The following LRFN2 variants were observed in gnomAD, a reference collection of about 807,000 sequenced individuals.
The protein encoded by LRFN2 is leucine-rich repeat and fibronectin type-III domain-containing protein 2.
In LRFN2, 18 loss-of-function variants were observed where a neutral mutation model predicts 37.3. The ratio of observed to expected loss-of-function variants is 0.48; its 90% CI spans 0.33 to 0.72. The LOEUF (loss-of-function observed/expected upper bound fraction) is 0.72, where lower values mean the gene tolerates loss of function less well. Among genes scored for constraint, LRFN2 ranks in the 30% least tolerant of loss-of-function variants. The probability of loss-of-function intolerance (pLI) is 0.02; values close to 1 mark genes in which losing one functional copy is unlikely to be tolerated. For missense variants in LRFN2, 1,006 were observed against 1,060.7 expected, an observed-to-expected ratio of 0.95 and a Z score of 0.72; for synonymous variants, 556 against 466.6, an observed-to-expected ratio of 1.19 and a Z score of -2.47.
intron 2 of LRFN2, among the ~76,000 whole-genome samples, chr6:40,400,686 G>A (rs1298375751): frequency 6.6e-6 from 1 of 151,778 alleles, no homozygotes. Context: ...CTCCTAAAGT[G>A]CTGGGATTAC....
At chr6:40,472,329 C>A (rs1390690812) in intron 1 of LRFN2, among the ~76,000 whole-genome samples, 1 of 152,214 alleles carries the variant, frequency 6.6e-6, no homozygotes, top group East Asian at 1.9e-4. Context: ...CAGGAGTCTG[C>A]AGATTTATTC....
At chr6:40,536,851 G>T (rs1171697130) in intron 1 of LRFN2, among the ~76,000 whole-genome samples, 2 of 152,190 alleles carry the variant, frequency 1.3e-5, no homozygotes, top group Non-Finnish European at 2.9e-5. Flanking sequence ...ACCCCTGGAG[G>T]ATAATCATGG....
intron 1 of LRFN2, among the ~76,000 whole-genome samples, chr6:40,505,427 G>A (rs1014961477): frequency 1.3e-5 from 2 of 152,122 alleles, no homozygotes; most frequent in African/African-American, 2.4e-5. Context: ...ATGTAATTTC[G>A]CTCCATGACG....
At chr6:40,500,254 A>G (rs923824321) in intron 1 of LRFN2, among the ~76,000 whole-genome samples, 10 of 152,250 alleles carry the variant, frequency 6.6e-5, no homozygotes, top group Admixed American at 5.9e-4. Context: ...TCCCAGGGGA[A>G]GGCCCCCTTG....
At chr6:40,418,632 G>A (rs1184472328) in intron 2 of LRFN2, among the ~76,000 whole-genome samples, 1 of 152,130 alleles carries the variant, frequency 6.6e-6, no homozygotes, top group Non-Finnish European at 1.5e-5. Context: ...TCAGCAACAG[G>A]AGGAAGCCCA....
chr6:40,483,682 A>G (rs1054505067), intron 1 of LRFN2, among the ~76,000 whole-genome samples: 1 of 152,210 alleles, frequency 6.6e-6, no homozygotes, highest in African/African-American at 2.4e-5. Context: ...GTGGCAGGAA[A>G]TGAGGAGCAG....
At chr6:40,500,737 C>A (rs1271048393) in intron 1 of LRFN2, among the ~76,000 whole-genome samples, 1 of 152,184 alleles carries the variant, frequency 6.6e-6, no homozygotes, top group African/African-American at 2.4e-5. Context: ...CAAGAATATT[C>A]ACCAATACTG....
intron 2 of LRFN2, among the ~76,000 whole-genome samples, chr6:40,420,136 C>A (rs1581691119): frequency 6.6e-6 from 1 of 152,228 alleles, no homozygotes; most frequent in South Asian, 2.1e-4. Context: ...TGGAGCCCAC[C>A]CCTGCTGGAA....
At chr6:40,441,692 T>C (rs1581708410) in intron 1 of LRFN2, among the ~76,000 whole-genome samples, 1 of 152,130 alleles carries the variant, frequency 6.6e-6, no homozygotes, top group South Asian at 2.1e-4. Context: ...CTTGGGCTGC[T>C]CCTCCTCTCC....
chr6:40,481,530 T>C (rs1764832855), intron 1 of LRFN2, among the ~76,000 whole-genome samples: 1 of 151,884 alleles, frequency 6.6e-6, no homozygotes, highest in Admixed American at 6.6e-5. Flanking sequence ...TCAATACAGA[T>C]AAGTCCTATC....
chr6:40,452,304 A>G (rs1764128562), intron 1 of LRFN2, among the ~76,000 whole-genome samples: 1 of 152,208 alleles, frequency 6.6e-6, no homozygotes, highest in Non-Finnish European at 1.5e-5. Context: ...TCAATATCAA[A>G]AGCCCAAGGC....
chr6:40,492,048 C>T (rs1765105891), intron 1 of LRFN2, among the ~76,000 whole-genome samples: 1 of 151,502 alleles, frequency 6.6e-6, no homozygotes, highest in Non-Finnish European at 1.5e-5. Context: ...CTCTATTTTG[C>T]TGTGTGACTG....
chr6:40,437,946 G>A (rs1257639212), intron 1 of LRFN2, among the ~76,000 whole-genome samples: 1 of 152,198 alleles, frequency 6.6e-6, no homozygotes, highest in Non-Finnish European at 1.5e-5. Context: ...CTAGGACAAG[G>A]AACAAAGAGA....
In LRFN2 at chr6:40,475,390, CGTCT is replaced by C. The variant is rs562988127; in HGVS notation, c.-18-42263_-18-42260del. On this transcript the variant is annotated intron_variant, in intron 1 of 2. Coordinates refer to ENST00000338305, the MANE Select transcript of LRFN2 (RefSeq NM_020737.3). ...TCCACTCCGTACTAGAGACAAGCACCGTCTGTATGATGCTAAGCTGTGTGTGTGC... is the reference window on the plus strand; with the variant it reads ...TCCACTCCGTACTAGAGACAAGCACCGTATGATGCTAAGCTGTGTGTGTGC... Among the ~76,000 whole-genome samples the C allele has an allele frequency of 1.1e-3, 170 of 152,110 alleles. 1 individual carries two copies. The highest frequency in any genetic ancestry group is 3.6e-3 in the African/African-American group (149 of 41,480).
rs142600096 is a variant in LRFN2 at position 40,526,885 on chromosome 6, A to G, written c.-19+60056T>C. ...CTGGGAGACGGTGCAGCCAGATTCA[A>G]AGCCAGGTCTGCCTGGCTCCTGGGA... is the stretch of plus-strand genomic sequence containing the variant. On this transcript the variant is annotated intron_variant, in intron 1 of 2. Transcript: ENST00000338305. Among the ~76,000 whole-genome samples the G allele has an allele frequency of 1.6e-4, 25 of 152,308 alleles. No individual in the cohort carries two copies. In the East Asian group the frequency reaches 4.8e-3, roughly 29 times the overall value.
At chr6:40,532,677 A>G (rs1766368616) in intron 1 of LRFN2, among the ~76,000 whole-genome samples, 1 of 152,224 alleles carries the variant, frequency 6.6e-6, no homozygotes, top group African/African-American at 2.4e-5. Flanking sequence ...TTTCCCAGTC[A>G]GAATTAATTA....
chr6:40,552,603 C>G (rs1477645116), intron 1 of LRFN2, among the ~76,000 whole-genome samples: 1 of 152,158 alleles, frequency 6.6e-6, no homozygotes, highest in Non-Finnish European at 1.5e-5. Flanking sequence ...ATCATATCTA[C>G]AGCTAAAAGC....
At chr6:40,575,654 A>G (rs1054615332) in intron 1 of LRFN2, among the ~76,000 whole-genome samples, 2 of 152,158 alleles carry the variant, frequency 1.3e-5, no homozygotes, top group African/African-American at 4.8e-5. Flanking sequence ...AACAGAAGTC[A>G]TGTGAGGACA....
chr6:40,495,892 C>G (rs1334955597), intron 1 of LRFN2, among the ~76,000 whole-genome samples: 2 of 152,178 alleles, frequency 1.3e-5, no homozygotes, highest in African/African-American at 4.8e-5. Context: ...GCCCTTTCCT[C>G]CAAACCCCAC....
Sources: allele counts gnomAD v4.1 joint callset (sites outside exome capture counted in the v4.1 genomes callset), GRCh38; gene constraint gnomAD v4.1.1; transcripts MANE v1.5; gene names NCBI Gene and HGNC (gene_info 2026-07-23, HGNC 2026-07-21).